DPEP1: variants seen among roughly 807,000 people sequenced by gnomAD.
DPEP1 encodes beta-lactamase.
Under a neutral mutation model 42.3 loss-of-function variants are expected in DPEP1, and 50 were observed. That is an observed-to-expected ratio of 1.18 (90% CI 0.94 to 1.50). DPEP1 has a LOEUF of 1.50. Ranked by LOEUF, DPEP1 falls within the 40% of genes most tolerant of loss-of-function variation. The pLI is 0.00. For synonymous variants in DPEP1, 297 were observed against 234.0 expected (o/e 1.27, Z -2.46); for missense variants, 663 against 553.0 (o/e 1.20, Z -1.99).
chr16:89,632,535 C>A (rs963991292), intron 2 of DPEP1, among the ~76,000 whole-genome samples: 1 of 152,222 alleles, frequency 6.6e-6, no homozygotes, highest in African/African-American at 2.4e-5. Context: ...AGTCTCCCCA[C>A]GAACAGCTGC....
At chr16:89,626,043 C>T (rs913708844) in intron 1 of DPEP1, among the ~76,000 whole-genome samples, 5 of 152,160 alleles carry the variant, frequency 3.3e-5, no homozygotes, top group African/African-American at 4.8e-5. Context: ...GTCTGGTGCT[C>T]GGAAGACATG....
chr16:89,628,217 C>A lies in DPEP1; in HGVS notation c.-106-2088C>A, dbSNP rs554455556. On this transcript the variant is annotated intron_variant, in intron 1 of 10. Transcript: ENST00000690203. ...GATTACAGGCGTGAGCCACCACACC[C>A]GGCCACAAAAGGTATTTCTTTCTTT... Among the ~76,000 whole-genome samples the A allele has an allele frequency of 4.0e-4, 60 of 150,946 alleles. 1 individual carries two copies. The highest frequency in any genetic ancestry group is 1.3e-3 in the African/African-American group (53 of 40,984).
intron 2 of DPEP1, among the ~76,000 whole-genome samples, chr16:89,631,277 C>T (rs1159532949): frequency 6.6e-6 from 1 of 152,098 alleles, no homozygotes; most frequent in Non-Finnish European, 1.5e-5. Flanking sequence ...TCACCTGCTT[C>T]TGTCCTGACC....
rs993973255 is a variant in DPEP1 at position 89,636,612 on chromosome 16, G to T, written c.450G>T (p.Leu150Phe). The T allele has an allele frequency of 2.5e-6, 4 of 1,612,614 alleles. No individual in the cohort carries two copies. The highest frequency in any genetic ancestry group is 3.4e-6 in the Non-Finnish European group (4 of 1,179,964). The change falls in exon 5 of 11, where the codon TTG (leucine) becomes TTT (phenylalanine). Residue 150 changes from leucine (L) to phenylalanine (F), a missense_variant. By Grantham distance (22) the Leu-to-Phe change is conservative. Coordinates refer to ENST00000690203, the MANE Select transcript of DPEP1 (RefSeq NM_001389466.1). ...GCGGCCACTCCATTGACAGCAGTTT[G>T]GGCGTCCTGCGGGCACTCTATCAGC... ...VEGGHSIDSSLGVLRALYQLG... is the reference protein window; with the variant it reads ...VEGGHSIDSSFGVLRALYQLG...
downstream of DPEP1, chr16:89,638,508 G>A (rs1597778181): frequency 7.2e-6 from 9 of 1,244,166 alleles, no homozygotes; most frequent in East Asian, 3.3e-4. Flanking sequence ...GTTGGACGTG[G>A]GGCACTCCTG....
rs781150399 is a variant in DPEP1, at chr16:89,630,457, C to A, written c.47C>A (p.Ala16Glu). ...WLWPLVAVCT[A>E]DFFRDEAERI... ...TGGCCCCTTGTGGCCGTCTGCACTG[C>A]AGACTTCTTTCGGGACGAGGCAGAG... The change falls in exon 2 of 11, where the codon GCA becomes GAA. Residue 16 changes from alanine (A) to glutamate (E), a missense_variant. Ala to Glu is a moderately radical substitution (Grantham distance 107). Transcript: ENST00000690203. 18 of 1,611,254 alleles carry A rather than the reference C, an allele frequency of 1.1e-5. No individual in the cohort carries two copies. The Admixed American group carries it at 2.3e-4, about 21-fold the overall frequency.
chr16:89,637,551 C>A lies in DPEP1; in HGVS notation c.852C>A (p.Ala284=). The change falls in exon 8 of 11, where the codon GCC becomes GCA. Residue 284 remains alanine, a splice_region_variant and synonymous_variant. Transcript: ENST00000690203. Reference sequence around the variant, plus strand: ...ACAAGGCCAACCTGTCCCAAGTGGCCGGTAGGTGGGGTGTGAGCGGCCAAG... The same window carrying A: ...ACAAGGCCAACCTGTCCCAAGTGGCAGGTAGGTGGGGTGTGAGCGGCCAAG... The part of the protein sequence containing the change: ...CTNKANLSQV[A]DHLDHIKEVA... 3 of 1,612,584 alleles carry A rather than the reference C, an allele frequency of 1.9e-6. No individual in the cohort carries two copies. The highest frequency in any genetic ancestry group is 1.7e-6 in the Non-Finnish European group (2 of 1,179,908).
At chr16:89,639,357 T>C (rs1394750610), downstream of DPEP1, among the ~76,000 whole-genome samples, 4 of 2,354 alleles carry the variant, frequency 1.7e-3, no homozygotes, top group East Asian at 9.6e-3. Flanking sequence ...TGCACACACC[T>C]CACCCCTGCA....
Position 89,628,272 on chromosome 16 carries a change from T to G in DPEP1, c.-106-2033T>G, listed in dbSNP as rs189902760. 1.3e-3 allele frequency among the ~76,000 whole-genome samples: 179 copies of G among 138,634 alleles called. 1 individual carries two copies. Among genetic ancestry groups the G allele is most frequent in the Non-Finnish European group, 2.2e-3 (144 of 64,124 alleles). The allele number at this position is 138,634 out of a possible 152,430, so 90.9% of individuals were successfully genotyped here. Reference sequence around the variant, plus strand: ...CTTTTCTTTCTTTTTTTTTTTTTTTTGTGAGATAGAGATTTACTCTTGTCG... The same window carrying G: ...CTTTTCTTTCTTTTTTTTTTTTTTTGGTGAGATAGAGATTTACTCTTGTCG... On this transcript the variant is annotated intron_variant, in intron 1 of 10. Transcript: ENST00000690203.
chr16:89,619,037 C>CCCCG, intron 1 of DPEP1, among the ~76,000 whole-genome samples: 1 of 5,274 alleles, frequency 1.9e-4, no homozygotes, highest in African/African-American at 1.2e-3. Flanking sequence ...TCCCTGCCCC[C>CCCCG]CTGCTCCCCT....
chr16:89,622,783 C>CAA lies in DPEP1; in HGVS notation c.-106-7509_-106-7508dup, dbSNP rs60838469. ...TGGGTGACACAGTGAGACTCTGTCT[C>CAA]AAAAAAAAAAAAAACACACTCGTCA... On this transcript the variant is annotated intron_variant, in intron 1 of 10. Transcript: ENST00000690203. Among the ~76,000 whole-genome samples, 3,304 of 118,386 alleles carry CAA rather than the reference C, an allele frequency of 0.028. 540 individuals are homozygous for CAA. The East Asian group carries it at 0.48, about 17-fold the overall frequency. The allele number at this position is 118,386 out of a possible 152,430, so 77.7% of individuals were successfully genotyped here.
At chr16:89,624,782 G>A (rs1032055138) in intron 1 of DPEP1, among the ~76,000 whole-genome samples, 1 of 152,100 alleles carries the variant, frequency 6.6e-6, no homozygotes, top group Non-Finnish European at 1.5e-5. Context: ...TGATACACCC[G>A]CCGCACTCTC....
intron 1 of DPEP1, among the ~76,000 whole-genome samples, chr16:89,616,425 C>T (rs115953559): frequency 0.011 from 1,601 of 152,070 alleles, 25 homozygotes; most frequent in African/African-American, 0.037. Context: ...CGGGTGTGCT[C>T]GGGGCTGTGC....
intron 1 of DPEP1, among the ~76,000 whole-genome samples, chr16:89,627,891 C>A (rs2059536996): frequency 6.6e-6 from 1 of 151,660 alleles, no homozygotes; most frequent in Admixed American, 6.6e-5. Context: ...AACTCCTAAC[C>A]TCGTGATCCT....
At chr16:89,624,779 C>T (rs1335280426) in intron 1 of DPEP1, among the ~76,000 whole-genome samples, 2 of 152,144 alleles carry the variant, frequency 1.3e-5, no homozygotes, top group African/African-American at 4.8e-5. Context: ...AGGTGATACA[C>T]CCGCCGCACT....
At chr16:89,620,966 G>A (rs1597745449) in intron 1 of DPEP1, among the ~76,000 whole-genome samples, 1 of 152,194 alleles carries the variant, frequency 6.6e-6, no homozygotes, top group Non-Finnish European at 1.5e-5. Context: ...ACCATCACAG[G>A]CAGTGAAGGG....
intron 1 of DPEP1, among the ~76,000 whole-genome samples, chr16:89,619,943 G>A (rs2059428511): frequency 7.3e-6 from 1 of 136,256 alleles, no homozygotes; most frequent in Non-Finnish European, 1.6e-5. Flanking sequence ...CCCAGCAGCA[G>A]CCCTAGGTCT....
In DPEP1 at chr16:89,637,986, G is replaced by A. The variant is rs1443685024; in HGVS notation, c.1065+15G>A. On this transcript the variant is annotated intron_variant, in intron 10 of 10. Transcript: ENST00000690203. The stretch of plus-strand genomic sequence containing the variant: ...CTGTGGAACAGGTGAGGATGGGGTG[G>A]CCACCTGAGTCTCCCCCACCACCAC... 1.9e-6 allele frequency: 3 copies of A among 1,607,102 alleles called. No individual in the cohort carries two copies. Among genetic ancestry groups the A allele is most frequent in the Admixed American group, 1.7e-5 (1 of 58,846 alleles).
chr16:89,614,123 G>A (rs1035778867), intron 1 of DPEP1, among the ~76,000 whole-genome samples: 2 of 151,350 alleles, frequency 1.3e-5, no homozygotes, highest in Non-Finnish European at 2.9e-5. Flanking sequence ...GGGACGCGGC[G>A]GCTTCCTGGG....
Sources: allele counts gnomAD v4.1 joint callset (sites outside exome capture counted in the v4.1 genomes callset), GRCh38; gene constraint gnomAD v4.1.1; transcripts MANE v1.5; gene names NCBI Gene and HGNC (gene_info 2026-07-23, HGNC 2026-07-21).